The following RNF187 variants were observed in gnomAD, a reference collection of about 807,000 sequenced individuals.
The protein encoded by RNF187 is E3 ubiquitin-protein ligase RNF187.
RNF187 carries 18 observed loss-of-function variants against 22.2 expected under a neutral mutation model. The ratio of observed to expected loss-of-function variants is 0.81; its 90% CI spans 0.56 to 1.20. The LOEUF (loss-of-function observed/expected upper bound fraction) is 1.20. RNF187 is among the 50% of genes most tolerant of loss of function. RNF187 has a pLI of 0.00. For missense variants in RNF187, 329 were observed against 317.6 expected (o/e 1.04, Z -0.27); for synonymous variants, 164 against 140.9 (o/e 1.16, Z -1.16).
rs1658864624 is a variant in RNF187, at chr1:228,487,605, C to T, written c.117C>T (p.Phe39=). The T allele has an allele frequency of 7.9e-6, 10 of 1,265,204 alleles. No homozygotes were observed. Among genetic ancestry groups the T allele is most frequent in the Non-Finnish European group, 1.0e-5 (10 of 991,356 alleles). 78.4% of individuals were successfully genotyped at this position (1,265,204 alleles called of 1,614,324 possible). ...TCTGTCGGGCGTGCGTGGTGCGCTT[C>T]TGGGCCGAGGAGGACGGGCCCTTCC... Residue 39 remains phenylalanine, a synonymous_variant, in exon 1 of 4, where the codon TTC becomes TTT. Coordinates refer to ENST00000305943, the MANE Select transcript of RNF187 (RefSeq NM_001010858.3).
In RNF187 at chr1:228,494,791, C is replaced by T; in HGVS notation, c.*906C>T. 6.1e-6 allele frequency: 6 copies of T among 985,350 alleles called. No homozygotes were observed. The highest frequency in any genetic ancestry group is 5.2e-5 in the African/African-American group (3 of 57,230). 61.0% of individuals were successfully genotyped at this position (985,350 alleles called of 1,614,324 possible). ...AGCACTGGGGACAGGATTGCAAAGTCGGGGACATAGATGCAGACAGTTGTT... is the reference window on the plus strand; with the variant it reads ...AGCACTGGGGACAGGATTGCAAAGTTGGGGACATAGATGCAGACAGTTGTT... On this transcript the variant is annotated 3_prime_UTR_variant, in exon 4 of 4. Coordinates refer to ENST00000305943, the MANE Select transcript of RNF187 (RefSeq NM_001010858.3).
In RNF187 at chr1:228,495,761, A is replaced by G; in HGVS notation, c.*1876A>G. 10 of 982,230 alleles carry G rather than the reference A, an allele frequency of 1.0e-5. No individual in the cohort carries two copies. The African/African-American group carries it at 1.7e-4, about 17-fold the overall frequency. 60.8% of individuals were successfully genotyped at this position (982,230 alleles called of 1,614,324 possible). On this transcript the variant is annotated 3_prime_UTR_variant, in exon 4 of 4. Transcript: ENST00000305943. The stretch of plus-strand genomic sequence containing the variant: ...TAAGAAAATTATATATTTATGGGGC[A>G]CAGTGTGATGTTTTGATATCTATGT...
chr1:228,493,180 T>G lies in RNF187; in HGVS notation c.611T>G (p.Leu204Arg). Residue 204 changes from leucine to arginine, a missense_variant, in exon 3 of 4, where the codon CTG becomes CGG. Coordinates refer to ENST00000305943, the MANE Select transcript of RNF187 (RefSeq NM_001010858.3). The surrounding 1 kb of genome is among the most constrained non-coding windows in gnomAD (Gnocchi z 4.7). The stretch of plus-strand genomic sequence containing the variant: ...GAGGAGGGGCTCCCTGAGGACGAGC[T>G]GGCTGACCCCACTGAGCGGTTCAGG... The G allele has an allele frequency of 6.4e-7, 1 of 1,551,668 alleles. No homozygotes were observed. The highest frequency in any genetic ancestry group is 8.7e-7 in the Non-Finnish European group (1 of 1,146,980).
At chr1:228,492,988 C>A in intron 2 of RNF187, 65 bp from the exon 3 acceptor site, 1 of 1,467,078 alleles carries the variant, frequency 6.8e-7, no homozygotes, top group South Asian at 1.4e-5. Context: ...CAAGAGCAAA[C>A]AGGTTCCCCT....
chr1:228,492,749 C>G, intron 2 of RNF187, among the ~76,000 whole-genome samples: 2 of 151,610 alleles, frequency 1.3e-5, no homozygotes, highest in Admixed American at 1.3e-4. Flanking sequence ...GCCTCAGCCT[C>G]CCGATTAGCT....
In RNF187 at chr1:228,494,062, G is replaced by C; in HGVS notation, c.*177G>C. ...ATCCTTCACCCCGAGGCGTGTTTTG[G>C]GGGCTGCAAACACCTCCCGGTAGAG... is the stretch of plus-strand genomic sequence containing the variant. On this transcript the variant is annotated 3_prime_UTR_variant, in exon 4 of 4. Coordinates refer to ENST00000305943, the MANE Select transcript of RNF187 (RefSeq NM_001010858.3). The C allele has an allele frequency of 1.3e-6, 2 of 1,505,408 alleles. No homozygotes were observed. The highest frequency in any genetic ancestry group is 2.8e-5 in the African/African-American group (2 of 72,336). 93.3% of individuals were successfully genotyped at this position (1,505,408 alleles called of 1,614,324 possible).
intron 2 of RNF187, among the ~76,000 whole-genome samples, chr1:228,491,397 A>AAT: frequency 2.7e-5 from 4 of 150,304 alleles, no homozygotes; most frequent in East Asian, 1.9e-4. Flanking sequence ...CAAAAAAAAA[A>AAT]AAAAAAAAAA....
At position 228,495,797 on chromosome 1, in the gene RNF187, G is replaced by A; in HGVS notation, c.*1912G>A. On this transcript the variant is annotated 3_prime_UTR_variant, in exon 4 of 4. Transcript: ENST00000305943. ...TTTTGATATCTATGTACATTGTGGA[G>A]TGACAGATTAATGTATCCATCTCAT... 4.2e-6 allele frequency: 4 copies of A among 946,636 alleles called. No homozygotes were observed. The highest frequency in any genetic ancestry group is 5.0e-6 in the Non-Finnish European group (4 of 794,638). 58.6% of individuals were successfully genotyped at this position (946,636 alleles called of 1,614,324 possible).
Position 228,493,151 on chromosome 1 carries a change from G to A in RNF187, c.582G>A (p.Glu194=). The change falls in exon 3 of 4, where the codon GAG becomes GAA. Residue 194 remains glutamate, a synonymous_variant. Coordinates refer to ENST00000305943, the MANE Select transcript of RNF187 (RefSeq NM_001010858.3). The surrounding 1 kb of genome is among the most constrained non-coding windows in gnomAD (Gnocchi z 4.7). ...AGGAGCATTTCCTGCAGGAGGCTGA[G>A]AAGGAGGAGGGGCTCCCTGAGGACG... 1 of 1,551,760 alleles carries A rather than the reference G, an allele frequency of 6.4e-7. No homozygotes were observed. The highest frequency in any genetic ancestry group is 1.2e-5 in the South Asian group (1 of 84,064).
chr1:228,494,576 G>T lies in RNF187; in HGVS notation c.*691G>T. 2.0e-6 allele frequency: 2 copies of T among 985,708 alleles called. No individual in the cohort carries two copies. The highest frequency in any genetic ancestry group is 1.7e-5 in the African/African-American group (1 of 57,242). 61.1% of individuals were successfully genotyped at this position (985,708 alleles called of 1,614,324 possible). A position where few individuals can be genotyped will look rare whatever the true frequency, so the allele number is the denominator to read the frequency against. On this transcript the variant is annotated 3_prime_UTR_variant, in exon 4 of 4. Transcript: ENST00000305943. Reference sequence around the variant, plus strand: ...GAAGCCTCTTTCTCTGTTTCCCTGGGTGAGGGGGCTGGCAGGTGGCTAACC... The same window carrying T: ...GAAGCCTCTTTCTCTGTTTCCCTGGTTGAGGGGGCTGGCAGGTGGCTAACC...
chr1:228,491,407 A>T, intron 2 of RNF187, among the ~76,000 whole-genome samples: 1 of 150,738 alleles, frequency 6.6e-6, no homozygotes, highest in Non-Finnish European at 1.5e-5. Context: ...AAAAAAAAAA[A>T]AATAAAGGGA....
At chr1:228,487,921 T>G in intron 1 of RNF187, 43 bp downstream of exon 1, 1 of 1,091,828 alleles carries the variant, frequency 9.2e-7, no homozygotes, top group Non-Finnish European at 1.1e-6. Flanking sequence ...GACGGTGCCC[T>G]GCGCCTCTCC....
chr1:228,493,680 G>A lies in RNF187; in HGVS notation c.706-203G>A. ...ATGGCCCTGAACGGTTCAGTTGCCC[G>A]TGCCAGCCATAGGTGACAAGGCTTT... On this transcript the variant is annotated intron_variant, in intron 3 of 3. Transcript: ENST00000305943. This position sits in a 1 kb window ranked among gnomAD's most constrained non-coding sequence, Gnocchi z 4.7. 1.1e-4 allele frequency among the ~76,000 whole-genome samples: 16 copies of A among 152,190 alleles called. No homozygotes were observed. The highest frequency in any genetic ancestry group is 4.1e-4 in the South Asian group (2 of 4,836).
Position 228,495,200 on chromosome 1 carries a change from C to T in RNF187, c.*1315C>T. On this transcript the variant is annotated 3_prime_UTR_variant, in exon 4 of 4. Coordinates refer to ENST00000305943, the MANE Select transcript of RNF187 (RefSeq NM_001010858.3). ...GAGGAGCGAGGAGCAGTATAGGGTC[C>T]ATGGGTGGGAATGACTGTGAGGAGA... 3.6e-6 allele frequency: 1 copy of T among 278,772 alleles called. No individual in the cohort carries two copies. The highest frequency in any genetic ancestry group is 2.3e-5 in the African/African-American group (1 of 43,574). 17.3% of individuals were successfully genotyped at this position (278,772 alleles called of 1,614,324 possible).
Position 228,493,931 on chromosome 1 carries a change from A to T in RNF187, c.*46A>T. 1 of 1,551,636 alleles carries T rather than the reference A, an allele frequency of 6.4e-7. No individual in the cohort carries two copies. Among genetic ancestry groups the T allele is most frequent in the Non-Finnish European group, 8.7e-7 (1 of 1,146,954 alleles). On this transcript the variant is annotated 3_prime_UTR_variant, in exon 4 of 4. Transcript: ENST00000305943. The surrounding 1 kb of genome is among the most constrained non-coding windows in gnomAD (Gnocchi z 4.7). Reference sequence around the variant, plus strand: ...CCCAGAGCTGGAGGCAGGAGGATGGATCCTCATCTCCATGGGAAGTGTCAG... The same window carrying T: ...CCCAGAGCTGGAGGCAGGAGGATGGTTCCTCATCTCCATGGGAAGTGTCAG...
chr1:228,494,095 C>T lies in RNF187; in HGVS notation c.*210C>T. 2 of 1,468,032 alleles carry T rather than the reference C, an allele frequency of 1.4e-6. No individual in the cohort carries two copies. The highest frequency in any genetic ancestry group is 2.3e-5 in the Admixed American group (1 of 44,218). The allele number at this position is 1,468,032 out of a possible 1,614,324, so 90.9% of individuals were successfully genotyped here. Reference sequence around the variant, plus strand: ...AAACACCTCCCGGTAGAGGCTGGACCTGAGGACCCTTCCCACCTGTGCCCG... The same window carrying T: ...AAACACCTCCCGGTAGAGGCTGGACTTGAGGACCCTTCCCACCTGTGCCCG... On this transcript the variant is annotated 3_prime_UTR_variant, in exon 4 of 4. Transcript: ENST00000305943.
At position 228,487,455 on chromosome 1, in the gene RNF187, T is replaced by A; in HGVS notation, c.-34T>A. ...TAGGTCTCCGGCCCTCCCCAGCCGCTCCTGCGCCCTTGCCGGCCCCGCCGC... is the reference window on the plus strand; with the variant it reads ...TAGGTCTCCGGCCCTCCCCAGCCGCACCTGCGCCCTTGCCGGCCCCGCCGC... On this transcript the variant is annotated 5_prime_UTR_variant, in exon 1 of 4. Transcript: ENST00000305943. The A allele has an allele frequency of 9.1e-7, 1 of 1,100,568 alleles. No homozygotes were observed. The highest frequency in any genetic ancestry group is 1.1e-6 in the Non-Finnish European group (1 of 906,536). The allele number at this position is 1,100,568 out of a possible 1,614,324, so 68.2% of individuals were successfully genotyped here.
intron 2 of RNF187, 115 bp from the exon 3 acceptor site, chr1:228,492,938 C>A: frequency 8.7e-7 from 1 of 1,155,516 alleles, no homozygotes; most frequent in Non-Finnish European, 1.2e-6. Flanking sequence ...GTCGATGTGC[C>A]TGAGCAGCAT....
chr1:228,487,941 C>G, intron 1 of RNF187, 63 bp downstream of exon 1: 11 of 1,021,010 alleles, frequency 1.1e-5, no homozygotes, highest in Non-Finnish European at 1.3e-5. Flanking sequence ...CGCCCCCGCC[C>G]CGGTCCCCCT....
Sources: gnomAD v4.1 joint callset for allele counts (sites outside exome capture counted in the v4.1 genomes callset) on GRCh38, gnomAD v4.1.1 for gene constraint, Gnocchi (gnomAD v3.1) non-coding constraint, MANE v1.5 for transcripts, NCBI Gene and HGNC (gene_info 2026-07-23, HGNC 2026-07-21) for gene names.